Variants in SMU1 observed in about 807,000 individuals in gnomAD.
SMU1 encodes the protein WD40 repeat-containing protein SMU1.
In SMU1, 2 loss-of-function variants were observed where a neutral mutation model predicts 62.0. The ratio of observed to expected loss-of-function variants is 0.03; its 90% confidence interval spans 0.01 to 0.10. SMU1 has a LOEUF of 0.10. Ranked by LOEUF, SMU1 falls within the 10% of genes least tolerant of loss-of-function variation. The probability of loss-of-function intolerance (pLI) is 1.00; values close to 1 mark genes in which losing one functional copy is unlikely to be tolerated. For synonymous variants in SMU1, 188 were observed against 212.4 expected, an observed-to-expected ratio of 0.89 and a Z score of 1.00; for missense variants, 227 against 622.1, an observed-to-expected ratio of 0.36 and a Z score of 6.76.
chr9:33,075,180 T>C (rs1460299967), intron 1 of SMU1, among the ~76,000 whole-genome samples: 1 of 152,072 alleles, frequency 6.6e-6, no homozygotes, highest in Non-Finnish European at 1.5e-5. Context: ...ATCGAGACCA[T>C]CCTGGCTAAC....
rs546769010 is a variant in SMU1, at chr9:33,073,265, G to A, written c.237+331C>T. 9.9e-5 allele frequency among the ~76,000 whole-genome samples: 15 copies of A among 152,032 alleles called. No individual in the cohort carries two copies. In the South Asian group the frequency reaches 2.9e-3, roughly 30 times the overall value. On this transcript the variant is annotated intron_variant, in intron 2 of 11. Coordinates refer to ENST00000397149, the MANE Select transcript of SMU1 (RefSeq NM_018225.3). ...ATGCAAAAATTAGGCAGGCGTGGTGGTGCGTGCCTGTGTTCCTAGCTACTC... is the reference window on the plus strand; with the variant it reads ...ATGCAAAAATTAGGCAGGCGTGGTGATGCGTGCCTGTGTTCCTAGCTACTC...
chr9:33,071,988 G>A, intron 2 of SMU1, 96 bp from the exon 3 acceptor site: 1 of 1,234,546 alleles, frequency 8.1e-7, no homozygotes, highest in Non-Finnish European at 1.1e-6. Context: ...GATATGGCCT[G>A]TCAAAGGATT....
chr9:33,075,757 C>T (rs571362575), intron 1 of SMU1, among the ~76,000 whole-genome samples: 4 of 152,152 alleles, frequency 2.6e-5, no homozygotes, highest in Non-Finnish European at 4.4e-5. Flanking sequence ...CAAAAAAGGT[C>T]CTCTCCCTCC....
rs1329901708 is a variant in SMU1, at chr9:33,043,858, G to A, written c.*3435C>T. 2.0e-5 allele frequency: 3 copies of A among 152,110 alleles called. No homozygotes were observed. The highest frequency in any genetic ancestry group is 4.4e-5 in the Non-Finnish European group (3 of 67,982). The allele number at this position is 152,110 out of a possible 1,614,324, so 9.4% of individuals were successfully genotyped here. A position where few individuals can be genotyped will look rare whatever the true frequency, so the allele number is the denominator to read the frequency against. On this transcript the variant is annotated 3_prime_UTR_variant, in exon 12 of 12. Transcript: ENST00000397149. ...GCGCACCCTCATTACATTGTTCTGA[G>A]AATTAAATATGGCTGCTTACATAGC...
Position 33,046,266 on chromosome 9 carries a change from C to T in SMU1, c.*1027G>A, listed in dbSNP as rs1246362115. On this transcript the variant is annotated 3_prime_UTR_variant, in exon 12 of 12. Coordinates refer to ENST00000397149, the MANE Select transcript of SMU1 (RefSeq NM_018225.3). ...AGGGGAGATGCCAAAACTCTGAATT[C>T]TTGTAACGGATCCTGCAACTAGTTC... 1.3e-5 allele frequency: 2 copies of T among 152,180 alleles called. No individual in the cohort carries two copies. Among genetic ancestry groups the T allele is most frequent in the Non-Finnish European group, 2.9e-5 (2 of 68,044 alleles). 9.4% of individuals were successfully genotyped at this position (152,180 alleles called of 1,614,324 possible).
intron 4 of SMU1, among the ~76,000 whole-genome samples, chr9:33,065,759 C>T (rs535768509): frequency 1.7e-4 from 26 of 152,152 alleles, no homozygotes; most frequent in Non-Finnish European, 3.7e-4. Context: ...CTTCTCCCAA[C>T]CCTGAGCAAC....
chr9:33,046,030 G>A lies in SMU1; in HGVS notation c.*1263C>T, dbSNP rs1162123522. 1 of 152,112 alleles carries A rather than the reference G, an allele frequency of 6.6e-6. No homozygotes were observed. Among genetic ancestry groups the A allele is most frequent in the Non-Finnish European group, 1.5e-5 (1 of 68,020 alleles). The allele number at this position is 152,112 out of a possible 1,614,324, so 9.4% of individuals were successfully genotyped here. ...GCATGGTATCTTCCTCATCATCAGAGGTGCTCTATACATCTTCAGTTGAAA... is the reference window on the plus strand; with the variant it reads ...GCATGGTATCTTCCTCATCATCAGAAGTGCTCTATACATCTTCAGTTGAAA... On this transcript the variant is annotated 3_prime_UTR_variant, in exon 12 of 12. Coordinates refer to ENST00000397149, the MANE Select transcript of SMU1 (RefSeq NM_018225.3).
intron 3 of SMU1, among the ~76,000 whole-genome samples, chr9:33,071,208 G>C (rs187760494): frequency 5.9e-5 from 9 of 152,110 alleles, no homozygotes; most frequent in East Asian, 5.8e-4. Context: ...AAAAGGCTGG[G>C]GGGGTGGGCA....
At position 33,060,590 on chromosome 9, in the gene SMU1, T is replaced by G; in HGVS notation, c.631-6A>C. The G allele has an allele frequency of 6.2e-7, 1 of 1,605,878 alleles. No homozygotes were observed. The highest frequency in any genetic ancestry group is 8.5e-7 in the Non-Finnish European group (1 of 1,178,326). On this transcript the variant is annotated splice_polypyrimidine_tract_variant and splice_region_variant and intron_variant, in intron 5 of 11. Transcript: ENST00000397149. ...ACATGTGATTTCTGACCAAACTGTT[T>G]CAAATGAAACAATGAAACAGATGCA...
chr9:33,060,644 CT>C, intron 5 of SMU1, 60 bp from the exon 6 acceptor site: 2 of 1,593,896 alleles, frequency 1.3e-6, no homozygotes, highest in Admixed American at 1.8e-5. Context: ...AAAACAATTC[CT>C]TTTTTAACCT....
In SMU1 at chr9:33,057,582, T is replaced by C; in HGVS notation, c.867+16A>G. On this transcript the variant is annotated intron_variant, in intron 7 of 11. Coordinates refer to ENST00000397149, the MANE Select transcript of SMU1 (RefSeq NM_018225.3). ...CAAAATGTCTACATATGAGAGGCTG[T>C]GGCACTAATCCATACCTTGATTTTT... The C allele has an allele frequency of 3.1e-6, 5 of 1,612,672 alleles. No individual in the cohort carries two copies. The highest frequency in any genetic ancestry group is 4.2e-6 in the Non-Finnish European group (5 of 1,179,954).
rs527835545 is a variant in SMU1 at position 33,046,197 on chromosome 9, C to A, written c.*1096G>T. 1 of 152,322 alleles carries A rather than the reference C, an allele frequency of 6.6e-6. No homozygotes were observed. The highest frequency in any genetic ancestry group is 2.1e-4 in the South Asian group (1 of 4,828). 9.4% of individuals were successfully genotyped at this position (152,322 alleles called of 1,614,324 possible). ...GTCCTTTGCTAATTTTTCTTTGGAA[C>A]AACAGCACATTTTCAATGCCAAACC... On this transcript the variant is annotated 3_prime_UTR_variant, in exon 12 of 12. Coordinates refer to ENST00000397149, the MANE Select transcript of SMU1 (RefSeq NM_018225.3).
intron 10 of SMU1, among the ~76,000 whole-genome samples, chr9:33,051,130 AAAAAAT>A (rs1564019787): frequency 1.3e-4 from 9 of 69,756 alleles, no homozygotes; most frequent in African/African-American, 1.9e-4. Context: ...CAAAAAAAAA[AAAAAAT>A]AAAAATAAAA....
At chr9:33,073,352 T>C (rs1350721204) in intron 2 of SMU1, among the ~76,000 whole-genome samples, 1 of 151,936 alleles carries the variant, frequency 6.6e-6, no homozygotes, top group East Asian at 1.9e-4. Context: ...AGCTGTGATC[T>C]TGCCACTGCA....
At chr9:33,062,026 G>A (rs1466580864) in intron 5 of SMU1, 23 bp downstream of exon 5, 1 of 1,610,394 alleles carries the variant, frequency 6.2e-7, no homozygotes, top group Non-Finnish European at 8.5e-7. Flanking sequence ...ATTACTGACT[G>A]GCTGAATGTC....
chr9:33,063,355 T>G (rs1839384266), intron 4 of SMU1, among the ~76,000 whole-genome samples: 1 of 151,690 alleles, frequency 6.6e-6, no homozygotes, highest in Non-Finnish European at 1.5e-5. Context: ...AGAGTGAGAC[T>G]GTCTCCAAAA....
chr9:33,065,870 G>C (rs1226649530), intron 4 of SMU1, among the ~76,000 whole-genome samples: 1 of 152,158 alleles, frequency 6.6e-6, no homozygotes, highest in Non-Finnish European at 1.5e-5. Context: ...CAGGGTGGAG[G>C]TGAGAAGCCA....
rs1381271976 is a variant in SMU1 at position 33,044,563 on chromosome 9, G to A, written c.*2730C>T. On this transcript the variant is annotated 3_prime_UTR_variant, in exon 12 of 12. Transcript: ENST00000397149. ...CTGCCCCAGCCTTCAATGCTGGAGG[G>A]ACGGCCGCGTGGGGCTTCAGAAAGG... The A allele has an allele frequency of 6.6e-6, 1 of 152,284 alleles. No individual in the cohort carries two copies. Among genetic ancestry groups the A allele is most frequent in the Non-Finnish European group, 1.5e-5 (1 of 68,078 alleles). The allele number at this position is 152,284 out of a possible 1,614,324, so 9.4% of individuals were successfully genotyped here.
chr9:33,073,969 C>A (rs1414962238), intron 1 of SMU1, 163 bp from the exon 2 acceptor site: 1 of 193,652 alleles, frequency 5.2e-6, no homozygotes, highest in Non-Finnish European at 9.4e-6. Context: ...GGGGACCCCC[C>A]CTAACCATAG....
Sources: gnomAD v4.1 joint callset for allele counts (sites outside exome capture counted in the v4.1 genomes callset) on GRCh38, gnomAD v4.1.1 for gene constraint, MANE v1.5 for transcripts, NCBI Gene and HGNC (gene_info 2026-07-23, HGNC 2026-07-21) for gene names.